The following SHISA9 variants were observed in gnomAD, a reference collection of about 807,000 sequenced individuals.
The protein encoded by SHISA9 is protein shisa-9.
A neutral mutation model predicts 38.0 loss-of-function variants in SHISA9; 13 were observed. That is an observed-to-expected ratio of 0.34 (90% confidence interval 0.22 to 0.54). SHISA9 has a LOEUF of 0.54. Among genes scored for constraint, SHISA9 ranks in the 20% least tolerant of loss-of-function variants. SHISA9 has a pLI of 0.91. For synonymous variants in SHISA9, 275 were observed against 242.0 expected (o/e 1.14, Z -1.27); for missense variants, 538 against 575.8 (o/e 0.93, Z 0.67).
the SHISA9 span, among the ~76,000 whole-genome samples, chr16:13,429,907 T>C: frequency 6.6e-6 from 1 of 152,356 alleles, no homozygotes; most frequent in Non-Finnish European, 1.5e-5. Context: ...GTTGAAGTTC[T>C]AACCCTTAGT....
chr16:13,276,272 C>CA, the SHISA9 span, among the ~76,000 whole-genome samples: 10,606 of 151,414 alleles, frequency 0.07, 1,267 homozygotes, highest in African/African-American at 0.24. Flanking sequence ...GCATAGTATT[C>CA]CATCATATAT....
the SHISA9 span, among the ~76,000 whole-genome samples, chr16:13,361,067 C>T: frequency 6.6e-6 from 1 of 152,214 alleles, no homozygotes; most frequent in African/African-American, 2.4e-5. Context: ...AATAGACACT[C>T]AAGCTCTGTT....
chr16:13,040,060 C>T (rs1032928870), intron 2 of SHISA9, among the ~76,000 whole-genome samples: 1 of 152,172 alleles, frequency 6.6e-6, no homozygotes, highest in African/African-American at 2.4e-5. Flanking sequence ...CAAGTCAAGG[C>T]CTCCTCCCAG....
chr16:13,285,504 T>C, the SHISA9 span, among the ~76,000 whole-genome samples: 1 of 137,524 alleles, frequency 7.3e-6, no homozygotes, highest in Non-Finnish European at 1.5e-5. Flanking sequence ...AGGAGGCAGA[T>C]GAGGCCGAGT....
the SHISA9 span, among the ~76,000 whole-genome samples, chr16:13,508,190 T>C: frequency 1.3e-5 from 2 of 152,228 alleles, no homozygotes; most frequent in African/African-American, 4.8e-5. Flanking sequence ...TAAATTACAT[T>C]ACACTTATTA....
At chr16:13,340,352 G>C in the SHISA9 span, among the ~76,000 whole-genome samples, 1 of 152,206 alleles carries the variant, frequency 6.6e-6, no homozygotes, top group East Asian at 1.9e-4. Flanking sequence ...ACATATAGGG[G>C]ACAGTGTTAT....
intron 2 of SHISA9, among the ~76,000 whole-genome samples, chr16:12,981,714 A>G (rs893969831): frequency 4.6e-5 from 7 of 152,162 alleles, no homozygotes; most frequent in African/African-American, 1.7e-4. Context: ...GTATCTCACA[A>G]TGTGACTATA....
At chr16:13,424,948 C>A in the SHISA9 span, among the ~76,000 whole-genome samples, 7 of 152,148 alleles carry the variant, frequency 4.6e-5, no homozygotes, top group Admixed American at 1.3e-4. Flanking sequence ...AAAGTGAAAT[C>A]ATCATAACAT....
At chr16:13,148,387 A>G (rs1022537636) in intron 2 of SHISA9, among the ~76,000 whole-genome samples, 2 of 152,004 alleles carry the variant, frequency 1.3e-5, no homozygotes, top group East Asian at 1.9e-4. Flanking sequence ...CGCAGTTTCC[A>G]TGACACACCC....
the SHISA9 span, among the ~76,000 whole-genome samples, chr16:13,506,418 A>T: frequency 2.6e-5 from 4 of 152,316 alleles, no homozygotes; most frequent in Admixed American, 1.3e-4. Context: ...GCATATTAGC[A>T]GGTGAAAGTG....
chr16:12,936,455 A>G (rs1193566122), intron 2 of SHISA9, among the ~76,000 whole-genome samples: 2 of 152,182 alleles, frequency 1.3e-5, no homozygotes, highest in African/African-American at 4.8e-5. Context: ...CAGTTCAGGG[A>G]TGGGAGAAGG....
intron 2 of SHISA9, among the ~76,000 whole-genome samples, chr16:13,085,922 A>T (rs1006376385): frequency 6.6e-6 from 1 of 152,214 alleles, no homozygotes; most frequent in Non-Finnish European, 1.5e-5. Context: ...TGAAAGAAAC[A>T]ATAAAATAAG....
the SHISA9 span, among the ~76,000 whole-genome samples, chr16:13,481,148 C>G: frequency 3.1e-4 from 47 of 152,320 alleles, no homozygotes; most frequent in Middle Eastern, 3.4e-3. Context: ...ACTGATCTTC[C>G]TTTCTGAAAA....
chr16:13,273,810 T>C, the SHISA9 span, among the ~76,000 whole-genome samples: 1 of 152,178 alleles, frequency 6.6e-6, no homozygotes, highest in Admixed American at 6.6e-5. Context: ...TTTTCTCTCC[T>C]AAACCTCAGA....
intron 2 of SHISA9, among the ~76,000 whole-genome samples, chr16:13,146,003 C>A (rs1198989889): frequency 6.6e-6 from 1 of 152,226 alleles, no homozygotes; most frequent in Admixed American, 6.5e-5. Flanking sequence ...ACCTGGCCAA[C>A]ATGGCAAAAC....
the SHISA9 span, among the ~76,000 whole-genome samples, chr16:13,359,211 G>C: frequency 1.3e-5 from 2 of 152,072 alleles, no homozygotes; most frequent in Non-Finnish European, 2.9e-5. Context: ...TAATACTGTT[G>C]CCATTTTCAC....
At chr16:13,361,767 C>T in the SHISA9 span, among the ~76,000 whole-genome samples, 2 of 152,228 alleles carry the variant, frequency 1.3e-5, no homozygotes, top group South Asian at 2.1e-4. Flanking sequence ...CAGAGATTTT[C>T]TTCCCTTTTG....
chr16:13,182,356 A>G (rs1179443004), intron 2 of SHISA9, among the ~76,000 whole-genome samples: 1 of 152,198 alleles, frequency 6.6e-6, no homozygotes, highest in Non-Finnish European at 1.5e-5. Context: ...TGGGTTTAGG[A>G]ATGTTTAGCT....
the SHISA9 span, among the ~76,000 whole-genome samples, chr16:13,310,089 T>A: frequency 0.1 from 15,353 of 152,172 alleles, 913 homozygotes; most frequent in South Asian, 0.23. Flanking sequence ...GGTTTCACCA[T>A]GTTGGCCAGG....
Sources: allele counts gnomAD v4.1 joint callset (sites outside exome capture counted in the v4.1 genomes callset), GRCh38; gene constraint gnomAD v4.1.1; transcripts MANE v1.5; gene names NCBI Gene and HGNC (gene_info 2026-07-23, HGNC 2026-07-21).